The following MDGA2 variants were observed in gnomAD, a reference collection of about 807,000 sequenced individuals.
The protein encoded by MDGA2 is MAM domain-containing glycosylphosphatidylinositol anchor protein 2.
MDGA2 carries 40 observed loss-of-function variants against 117.8 expected under a neutral mutation model. The ratio of observed to expected loss-of-function variants is 0.34; its 90% confidence interval spans 0.26 to 0.44. The LOEUF (loss-of-function observed/expected upper bound fraction) is 0.44. MDGA2 is among the 20% of genes least tolerant of loss of function. MDGA2 has a pLI of 1.00. For missense variants in MDGA2, 1,123 were observed against 1,250.6 expected (o/e 0.90, Z 1.54); for synonymous variants, 452 against 439.0 (o/e 1.03, Z -0.37).
intron 1 of MDGA2, among the ~76,000 whole-genome samples, chr14:47,404,399 T>C (rs1389339200): frequency 6.6e-6 from 1 of 152,040 alleles, no homozygotes; most frequent in Non-Finnish European, 1.5e-5. Flanking sequence ...TTGGCCAGGC[T>C]GGTCTCGAAC....
At chr14:47,527,211 T>G (rs896625997) in intron 1 of MDGA2, among the ~76,000 whole-genome samples, 1 of 152,214 alleles carries the variant, frequency 6.6e-6, no homozygotes, top group Non-Finnish European at 1.5e-5. Context: ...TTGGAAATAA[T>G]TTTGTTTTTT....
chr14:47,299,757 T>C (rs920364938), intron 2 of MDGA2, among the ~76,000 whole-genome samples: 3 of 152,156 alleles, frequency 2.0e-5, no homozygotes, highest in African/African-American at 7.2e-5. Context: ...TCCTTGTATG[T>C]TGTCTTTTGG....
At chr14:47,251,503 A>T (rs753851313) in intron 2 of MDGA2, among the ~76,000 whole-genome samples, 1 of 152,350 alleles carries the variant, frequency 6.6e-6, no homozygotes, top group Admixed American at 6.5e-5. Context: ...GACGTTGTCT[A>T]CTATATAACT....
At chr14:47,540,999 T>C (rs1270241944) in intron 1 of MDGA2, among the ~76,000 whole-genome samples, 1 of 152,184 alleles carries the variant, frequency 6.6e-6, no homozygotes, top group Admixed American at 6.5e-5. Flanking sequence ...AGTAAATACA[T>C]GTCAAATGAC....
chr14:47,249,812 A>T (rs2139637249), intron 2 of MDGA2, among the ~76,000 whole-genome samples: 1 of 152,336 alleles, frequency 6.6e-6, no homozygotes. Flanking sequence ...TACTGAAAAA[A>T]AGTTCACAAG....
chr14:47,111,003 C>A (rs1881005495), intron 5 of MDGA2, among the ~76,000 whole-genome samples: 1 of 152,060 alleles, frequency 6.6e-6, no homozygotes, highest in African/African-American at 2.4e-5. Flanking sequence ...CAATTGCATA[C>A]CAGGCATTGG....
intron 1 of MDGA2, among the ~76,000 whole-genome samples, chr14:47,321,175 G>T (rs1307411482): frequency 6.6e-6 from 1 of 152,098 alleles, no homozygotes; most frequent in Non-Finnish European, 1.5e-5. Flanking sequence ...AAACACACAT[G>T]CACACACACA....
chr14:46,916,487 A>T (rs1310997264), intron 10 of MDGA2, among the ~76,000 whole-genome samples: 3 of 151,644 alleles, frequency 2.0e-5, no homozygotes, highest in Non-Finnish European at 2.9e-5. Flanking sequence ...GGAATTTTTT[A>T]AAAAAGAACT....
intron 3 of MDGA2, among the ~76,000 whole-genome samples, chr14:47,196,468 T>C (rs1885291971): frequency 6.6e-6 from 1 of 152,166 alleles, no homozygotes; most frequent in Non-Finnish European, 1.5e-5. Flanking sequence ...CGTATACTTT[T>C]TGCAGTGATT....
At chr14:46,895,462 A>G (rs1250707101) in intron 10 of MDGA2, among the ~76,000 whole-genome samples, 1 of 152,174 alleles carries the variant, frequency 6.6e-6, no homozygotes, top group Non-Finnish European at 1.5e-5. Context: ...GCGGTGCCTC[A>G]TGCCTGTAAT....
At chr14:47,537,731 C>T (rs1170717062) in intron 1 of MDGA2, among the ~76,000 whole-genome samples, 4 of 151,742 alleles carry the variant, frequency 2.6e-5, no homozygotes, top group African/African-American at 9.7e-5. Context: ...GGAACTGATC[C>T]ATTGATCCTG....
At chr14:47,118,802 G>C (rs1324235825) in intron 5 of MDGA2, among the ~76,000 whole-genome samples, 2 of 152,186 alleles carry the variant, frequency 1.3e-5, no homozygotes, top group African/African-American at 4.8e-5. Flanking sequence ...GGCGTGATCA[G>C]AGCTCACTGC....
intron 1 of MDGA2, among the ~76,000 whole-genome samples, chr14:47,358,324 C>G (rs1237241823): frequency 6.6e-6 from 1 of 152,142 alleles, no homozygotes; most frequent in Non-Finnish European, 1.5e-5. Context: ...TGGGAACTTC[C>G]CTAGTGGTCT....
chr14:47,648,674 A>G (rs1379087829), intron 1 of MDGA2, among the ~76,000 whole-genome samples: 3 of 152,158 alleles, frequency 2.0e-5, no homozygotes, highest in Non-Finnish European at 4.4e-5. Context: ...AATGGGAAGT[A>G]AAAGCCTTTC....
At chr14:46,930,427 A>C (rs1053240420) in intron 9 of MDGA2, among the ~76,000 whole-genome samples, 2 of 152,156 alleles carry the variant, frequency 1.3e-5, no homozygotes, top group African/African-American at 4.8e-5. Context: ...AGTAAAAAAA[A>C]CAAACTTTGG....
chr14:46,891,255 A>T (rs946884750), intron 10 of MDGA2, among the ~76,000 whole-genome samples: 2 of 151,836 alleles, frequency 1.3e-5, no homozygotes, highest in Admixed American at 1.3e-4. Context: ...ATATTTTTAT[A>T]TTTTAACTCT....
chr14:47,208,098 G>T lies in MDGA2; in HGVS notation c.595+9923C>A, dbSNP rs556594902. ...AACTCTTGTCTTAAAGTTGGAGGTA[G>T]AAATCATTTTAATTTTAAAGAGCTT... On this transcript the variant is annotated intron_variant, in intron 3 of 16. Coordinates refer to ENST00000399232, the MANE Select transcript of MDGA2 (RefSeq NM_001113498.3). 2.6e-5 allele frequency among the ~76,000 whole-genome samples: 4 copies of T among 152,100 alleles called. No homozygotes were observed. The South Asian group carries it at 8.3e-4, about 32-fold the overall frequency.
chr14:46,969,091 A>G (rs1886155197), intron 8 of MDGA2, among the ~76,000 whole-genome samples: 2 of 152,146 alleles, frequency 1.3e-5, no homozygotes, highest in Non-Finnish European at 2.9e-5. Flanking sequence ...ATTATTTTTT[A>G]TGGCTGCATG....
rs186320138 is a variant in MDGA2 at position 46,853,629 on chromosome 14, A to C, written c.2883+1395T>G. ...CAATATCTGAAAAGTTCTAAAAAAA[A>C]AACAACAAGGATGCTATAATCAGTG... is the stretch of plus-strand genomic sequence containing the variant. On this transcript the variant is annotated intron_variant, in intron 15 of 16. Transcript: ENST00000399232. Among the ~76,000 whole-genome samples, 17 of 151,906 alleles carry C rather than the reference A, an allele frequency of 1.1e-4. No homozygotes were observed. The East Asian group carries it at 3.3e-3, about 29-fold the overall frequency.
Sources: gnomAD v4.1 joint callset for allele counts (sites outside exome capture counted in the v4.1 genomes callset) on GRCh38, gnomAD v4.1.1 for gene constraint, MANE v1.5 for transcripts, NCBI Gene and HGNC (gene_info 2026-07-23, HGNC 2026-07-21) for gene names.